Variants in RAB11FIP4 observed in about 807,000 individuals in gnomAD.
RAB11FIP4 encodes RAB11 family interacting protein 4.
In RAB11FIP4, 23 loss-of-function variants were observed where a neutral mutation model predicts 74.3. That is an observed-to-expected ratio of 0.31 (90% CI 0.22 to 0.44). The LOEUF (loss-of-function observed/expected upper bound fraction) is 0.44. RAB11FIP4 is among the 20% of genes least tolerant of loss of function. The pLI, the probability that RAB11FIP4 is intolerant of heterozygous loss-of-function variation, is 1.00. For synonymous variants in RAB11FIP4, 360 were observed against 359.9 expected (o/e 1.00, Z 0.00); for missense variants, 630 against 863.9 (o/e 0.73, Z 3.39).
intron 3 of RAB11FIP4, among the ~76,000 whole-genome samples, chr17:31,489,506 G>A (rs1379950333): frequency 2.0e-5 from 3 of 152,140 alleles, no homozygotes; most frequent in East Asian, 1.9e-4. Flanking sequence ...TCTCCCCCAG[G>A]TGCTGGCACC....
intron 3 of RAB11FIP4, among the ~76,000 whole-genome samples, chr17:31,503,477 G>A (rs1229005446): frequency 6.7e-6 from 1 of 150,042 alleles, no homozygotes; most frequent in East Asian, 1.9e-4. Context: ...TTCAAGGGAA[G>A]GGGGAAGAGG....
intron 2 of RAB11FIP4, among the ~76,000 whole-genome samples, chr17:31,433,152 GA>G (rs1281918137): frequency 4.6e-5 from 7 of 152,156 alleles, no homozygotes; most frequent in African/African-American, 1.4e-4. Context: ...TCTCAAGAAA[GA>G]AAAAAATCTG....
rs117852171 is a variant in RAB11FIP4 at position 31,410,724 on chromosome 17, G to T, written c.159+18713G>T. On this transcript the variant is annotated intron_variant, in intron 1 of 14. Coordinates refer to ENST00000621161, the MANE Select transcript of RAB11FIP4 (RefSeq NM_032932.6). ...GCACAGCCCTTCTGTTTCCACTGTT[G>T]CTGCTGGGAATATTCCCACTGCCAC... Among the ~76,000 whole-genome samples, 738 of 152,258 alleles carry T rather than the reference G, an allele frequency of 4.8e-3. 5 individuals carry two copies. The highest frequency in any genetic ancestry group is 5.7e-3 in the Non-Finnish European group (390 of 68,018).
intron 3 of RAB11FIP4, among the ~76,000 whole-genome samples, chr17:31,461,749 G>T (rs951418713): frequency 6.7e-6 from 1 of 148,764 alleles, no homozygotes; most frequent in African/African-American, 2.5e-5. Context: ...ACAAGGTCTT[G>T]CTCTGTCACC....
chr17:31,489,961 T>G (rs542491781), intron 3 of RAB11FIP4, among the ~76,000 whole-genome samples: 1 of 152,234 alleles, frequency 6.6e-6, no homozygotes, highest in Admixed American at 6.5e-5. Flanking sequence ...GGCATGACCT[T>G]TGCCCTAAGG....
At chr17:31,430,115 G>A (rs912661868) in intron 1 of RAB11FIP4, among the ~76,000 whole-genome samples, 4 of 152,178 alleles carry the variant, frequency 2.6e-5, no homozygotes, top group African/African-American at 9.7e-5. Flanking sequence ...TTTCATAGAG[G>A]TACAAAGGGA....
chr17:31,491,465 AGGG>A (rs758910450), intron 3 of RAB11FIP4, among the ~76,000 whole-genome samples: 2 of 152,292 alleles, frequency 1.3e-5, no homozygotes, highest in Non-Finnish European at 2.9e-5. Flanking sequence ...AGAGCAGGGA[AGGG>A]GAGGGAGTGC....
In RAB11FIP4 at chr17:31,535,112, A is replaced by G. The variant is rs1312391101; in HGVS notation, c.*3380A>G. The G allele has an allele frequency of 6.6e-6, 1 of 152,270 alleles. No individual in the cohort carries two copies. The highest frequency in any genetic ancestry group is 1.9e-4 in the East Asian group (1 of 5,196). 9.4% of individuals were successfully genotyped at this position (152,270 alleles called of 1,614,324 possible). On this transcript the variant is annotated 3_prime_UTR_variant, in exon 15 of 15. Coordinates refer to ENST00000621161, the MANE Select transcript of RAB11FIP4 (RefSeq NM_032932.6). ...CAGAGAAATTCCTTTTCATGACTTTATTTCTGACCTATTAAAACATGAACA... is the reference window on the plus strand; with the variant it reads ...CAGAGAAATTCCTTTTCATGACTTTGTTTCTGACCTATTAAAACATGAACA...
intron 1 of RAB11FIP4, among the ~76,000 whole-genome samples, chr17:31,411,767 C>T (rs1396627146): frequency 6.6e-6 from 1 of 152,258 alleles, no homozygotes; most frequent in Non-Finnish European, 1.5e-5. Context: ...GCCCTTGGCC[C>T]TGCCATACGG....
intron 1 of RAB11FIP4, among the ~76,000 whole-genome samples, chr17:31,410,628 G>A (rs962726365): frequency 1.3e-5 from 2 of 152,116 alleles, no homozygotes; most frequent in Non-Finnish European, 2.9e-5. Flanking sequence ...TGAAGGGGGC[G>A]GGGGCATGGT....
intron 13 of RAB11FIP4, 27 bp from the exon 14 acceptor site, chr17:31,530,299 A>T: frequency 6.2e-7 from 1 of 1,611,504 alleles, no homozygotes; most frequent in Non-Finnish European, 8.5e-7. Context: ...CTTGGGGTTG[A>T]TGTCGCCTTC....
At chr17:31,471,122 G>T (rs2071732330) in intron 3 of RAB11FIP4, among the ~76,000 whole-genome samples, 1 of 151,620 alleles carries the variant, frequency 6.6e-6, no homozygotes. Context: ...GAGTGCAGGG[G>T]TGCGATCATG....
intron 13 of RAB11FIP4, among the ~76,000 whole-genome samples, chr17:31,530,091 C>T (rs2072840247): frequency 3.9e-5 from 6 of 152,258 alleles, no homozygotes; most frequent in Admixed American, 3.9e-4. Context: ...GCTGTAACTC[C>T]TCCACAAACC....
intron 3 of RAB11FIP4, among the ~76,000 whole-genome samples, chr17:31,502,598 G>A (rs2072243062): frequency 6.6e-6 from 1 of 152,026 alleles, no homozygotes; most frequent in East Asian, 1.9e-4. Context: ...AAAAATAAAG[G>A]TTGAATTGAA....
chr17:31,445,328 G>A lies in RAB11FIP4; in HGVS notation c.336+11206G>A, dbSNP rs561879176. ...AGTTTCTCTGCCCCTGTGTTTGTTGGTGGGGTGCATGTGCATACATACTAC... is the reference window on the plus strand; with the variant it reads ...AGTTTCTCTGCCCCTGTGTTTGTTGATGGGGTGCATGTGCATACATACTAC... On this transcript the variant is annotated intron_variant, in intron 3 of 14. Transcript: ENST00000621161. Among the ~76,000 whole-genome samples the A allele has an allele frequency of 1.7e-4, 26 of 150,212 alleles. 1 individual carries two copies. The South Asian group carries it at 4.8e-3, about 28-fold the overall frequency.
chr17:31,392,620 C>T (rs1177590357), intron 1 of RAB11FIP4: 2 of 152,438 alleles, frequency 1.3e-5, no homozygotes, highest in East Asian at 3.9e-4. Flanking sequence ...CAAAGCCAGG[C>T]TCGGGGAGTG....
chr17:31,500,180 C>G (rs1321827769), intron 3 of RAB11FIP4, among the ~76,000 whole-genome samples: 2 of 152,146 alleles, frequency 1.3e-5, no homozygotes, highest in Non-Finnish European at 2.9e-5. Context: ...GGTGAGTTCA[C>G]TTTCTCTGTG....
intron 3 of RAB11FIP4, chr17:31,508,977 G>A (rs80295809): frequency 1.3e-5 from 2 of 152,634 alleles, no homozygotes; most frequent in Non-Finnish European, 2.9e-5. Flanking sequence ...GGTGATGTTT[G>A]TGCAGCAGCA....
At chr17:31,478,336 G>A (rs1039772874) in intron 3 of RAB11FIP4, among the ~76,000 whole-genome samples, 21 of 152,088 alleles carry the variant, frequency 1.4e-4, no homozygotes, top group African/African-American at 4.8e-4. Flanking sequence ...TGCCTTCCGC[G>A]CGTGTTGGGA....
Sources: gnomAD v4.1 joint callset for allele counts (sites outside exome capture counted in the v4.1 genomes callset) on GRCh38, gnomAD v4.1.1 for gene constraint, MANE v1.5 for transcripts, NCBI Gene and HGNC (gene_info 2026-07-23, HGNC 2026-07-21) for gene names.